SREBF2: variants seen among roughly 807,000 people sequenced by gnomAD.
SREBF2 encodes the protein sterol regulatory element binding transcription factor 2, also known as sterol regulatory element-binding protein 2.
A neutral mutation model predicts 113.1 loss-of-function variants in SREBF2; 55 were observed. The observed-to-expected ratio is 0.49, with a 90% CI of 0.39 to 0.61. The LOEUF (loss-of-function observed/expected upper bound fraction) is 0.61. Among genes scored for constraint, SREBF2 ranks in the 20% least tolerant of loss-of-function variants. The pLI is 0.00. For missense variants in SREBF2, 1,349 were observed against 1,487.4 expected, an observed-to-expected ratio of 0.91 and a Z score of 1.53; for synonymous variants, 593 against 605.7, an observed-to-expected ratio of 0.98 and a Z score of 0.31.
intron 18 of SREBF2, 140 bp downstream of exon 18, chr22:41,905,114 C>G (rs367556790): frequency 1.0e-5 from 9 of 869,146 alleles, no homozygotes; most frequent in Non-Finnish European, 1.6e-5. Context: ...GAAAGAAGCC[C>G]GAGGCCGCCC....
At chr22:41,889,249 C>T (rs567815931) in intron 11 of SREBF2, among the ~76,000 whole-genome samples, 1 of 152,264 alleles carries the variant, frequency 6.6e-6, no homozygotes, top group African/African-American at 2.4e-5. Context: ...ACCTCACCCT[C>T]CCGAGTAGCT....
At position 41,905,713 on chromosome 22, in the gene SREBF2, C is replaced by T; in HGVS notation, c.*53C>T. 5 of 1,518,204 alleles carry T rather than the reference C, an allele frequency of 3.3e-6. No homozygotes were observed. The highest frequency in any genetic ancestry group is 3.6e-6 in the Non-Finnish European group (4 of 1,117,596). 94.0% of individuals were successfully genotyped at this position (1,518,204 alleles called of 1,614,324 possible). On this transcript the variant is annotated 3_prime_UTR_variant, in exon 19 of 19. Coordinates refer to ENST00000361204, the MANE Select transcript of SREBF2 (RefSeq NM_004599.4). ...TCTCTCTCGATTTCTCTCTCTCCCCCTCAGCATCTTCCCGCTGAGAGTGGT... is the reference window on the plus strand; with the variant it reads ...TCTCTCTCGATTTCTCTCTCTCCCCTTCAGCATCTTCCCGCTGAGAGTGGT...
At chr22:41,860,226 G>A (rs1025773485) in intron 1 of SREBF2, among the ~76,000 whole-genome samples, 3 of 148,192 alleles carry the variant, frequency 2.0e-5, no homozygotes, top group African/African-American at 7.6e-5. Flanking sequence ...ATATCTGGAA[G>A]TTTTTTAAAT....
intron 14 of SREBF2, 35 bp downstream of exon 14, chr22:41,897,196 G>A (rs746257388): frequency 1.4e-6 from 2 of 1,473,814 alleles, no homozygotes; most frequent in Non-Finnish European, 1.9e-6. Context: ...GTCTCAGGGT[G>A]CTCAGTTCAG....
At chr22:41,898,205 C>T (rs999837385) in intron 14 of SREBF2, among the ~76,000 whole-genome samples, 2 of 152,228 alleles carry the variant, frequency 1.3e-5, no homozygotes, top group Middle Eastern at 3.4e-3. Context: ...CCGCCCGCAC[C>T]GAGGTTCAAG....
chr22:41,854,640 G>A (rs1238397500), intron 1 of SREBF2, among the ~76,000 whole-genome samples: 2 of 151,870 alleles, frequency 1.3e-5, no homozygotes, highest in Non-Finnish European at 2.9e-5. Flanking sequence ...AGGCTGAGGC[G>A]GGCAGATCAC....
At chr22:41,873,220 A>G (rs896615879) in intron 4 of SREBF2, among the ~76,000 whole-genome samples, 1 of 152,094 alleles carries the variant, frequency 6.6e-6, no homozygotes, top group African/African-American at 2.4e-5. Context: ...ATAAAATAAA[A>G]TAAAGTTAGA....
chr22:41,894,745 G>A, intron 12 of SREBF2, 75 bp from the exon 13 acceptor site: 1 of 1,272,822 alleles, frequency 7.9e-7, no homozygotes, highest in Non-Finnish European at 1.2e-6. Context: ...GCTGTGTTTG[G>A]AGTTTCTCTC....
chr22:41,867,098 C>T lies in SREBF2; in HGVS notation c.356C>T (p.Thr119Ile), dbSNP rs756783538. ...APTLQVKVSP[T>I]SVPTTPRATP... ...ACTCTGCAAGTCAAGGTTTCTCCCA[C>T]CTCAGTTCCCACCACACCCAGGGCA... The change falls in exon 2 of 19, where the codon ACC becomes ATC. Residue 119 changes from threonine to isoleucine, a missense_variant. This residue lies in a region of SREBF2 where 699 missense variants were observed against 843.3 expected (regional missense o/e 0.83). Transcript: ENST00000361204. 2.5e-6 allele frequency: 4 copies of T among 1,614,102 alleles called. No individual in the cohort carries two copies. In the South Asian group the frequency reaches 4.4e-5, roughly 18 times the overall value.
chr22:41,901,187 T>G lies in SREBF2; in HGVS notation c.2907+689T>G, dbSNP rs137994572. Among the ~76,000 whole-genome samples, 445 of 152,262 alleles carry G rather than the reference T, an allele frequency of 2.9e-3. 22 individuals carry two copies. The East Asian group carries it at 0.064, about 22-fold the overall frequency. On this transcript the variant is annotated intron_variant, in intron 16 of 18. Transcript: ENST00000361204. ...CACCTGGTCTACGGGGAACATGTCC[T>G]TAGCTCCAGAGTGGGAGGGACCGGG...
chr22:41,871,104 TG>T, intron 4 of SREBF2, 69 bp downstream of exon 4: 2 of 1,601,816 alleles, frequency 1.2e-6, no homozygotes, highest in Non-Finnish European at 1.7e-6. Context: ...TCTTCAGAGA[TG>T]TTAAATCTCT....
chr22:41,881,408 G>GT (rs1569399825), intron 10 of SREBF2, among the ~76,000 whole-genome samples: 1 of 152,208 alleles, frequency 6.6e-6, no homozygotes, highest in African/African-American at 2.4e-5. Context: ...ACAGTTCAGC[G>GT]TGAGTATGTT....
At chr22:41,870,110 TC>T (rs1382994447) in intron 3 of SREBF2, among the ~76,000 whole-genome samples, 11 of 152,206 alleles carry the variant, frequency 7.2e-5, no homozygotes, top group Admixed American at 6.5e-4. Flanking sequence ...TGCCTTGGTC[TC>T]CCAAAGTGCT....
chr22:41,868,539 A>G, intron 2 of SREBF2, 72 bp from the exon 3 acceptor site: 3 of 1,530,682 alleles, frequency 2.0e-6, no homozygotes, highest in Non-Finnish European at 1.8e-6. Context: ...CTCCATCCTC[A>G]GGTTTCTGCT....
chr22:41,899,478 C>A, intron 15 of SREBF2: 1 of 995,482 alleles, frequency 1.0e-6, no homozygotes, highest in Non-Finnish European at 1.2e-6. Context: ...CCACGAGGTC[C>A]TATCCTTAGA....
At chr22:41,853,925 C>T (rs1398310783) in intron 1 of SREBF2, among the ~76,000 whole-genome samples, 2 of 151,570 alleles carry the variant, frequency 1.3e-5, no homozygotes, top group African/African-American at 4.8e-5. Context: ...GTCCCAGCTA[C>T]TCGGGAGGCT....
intron 1 of SREBF2, among the ~76,000 whole-genome samples, chr22:41,849,140 C>T (rs1299514669): frequency 6.6e-6 from 1 of 152,066 alleles, no homozygotes; most frequent in Non-Finnish European, 1.5e-5. Flanking sequence ...CCATGTATCC[C>T]TTTTTATCCT....
At chr22:41,836,653 T>G (rs764827673) in intron 1 of SREBF2, among the ~76,000 whole-genome samples, 4 of 152,234 alleles carry the variant, frequency 2.6e-5, no homozygotes, top group Non-Finnish European at 4.4e-5. Flanking sequence ...ATTAAATATT[T>G]GTGGAATGCC....
At chr22:41,840,955 C>G (rs913462752) in intron 1 of SREBF2, among the ~76,000 whole-genome samples, 6 of 152,228 alleles carry the variant, frequency 3.9e-5, no homozygotes, top group African/African-American at 1.2e-4. Context: ...CTGCTTGCTT[C>G]TCTCTGCAGA....
Sources: allele counts gnomAD v4.1 joint callset (sites outside exome capture counted in the v4.1 genomes callset), GRCh38; gene constraint gnomAD v4.1.1; regional missense constraint gnomAD v4.1.1; transcripts MANE v1.5; gene names NCBI Gene and HGNC (gene_info 2026-07-23, HGNC 2026-07-21).